Variants in ARHGAP6 observed in about 807,000 individuals in gnomAD.
ARHGAP6 encodes rho GTPase-activating protein 6.
In ARHGAP6, 16 loss-of-function variants were observed where a neutral mutation model predicts 55.7. The ratio of observed to expected loss-of-function variants is 0.29; its 90% CI spans 0.19 to 0.44. The LOEUF (loss-of-function observed/expected upper bound fraction) is 0.44, where lower values mean the gene tolerates loss of function less well. ARHGAP6 is among the 20% of genes least tolerant of loss of function. The pLI is 1.00. For synonymous variants in ARHGAP6, 382 were observed against 360.9 expected, an observed-to-expected ratio of 1.06 and a Z score of -0.66; for missense variants, 698 against 808.9, an observed-to-expected ratio of 0.86 and a Z score of 1.66.
intron 1 of ARHGAP6, chrX:11,298,575 G>A (rs750746199): frequency 8.3e-7 from 1 of 1,211,112 alleles, no homozygotes; most frequent in East Asian, 3.0e-5. Context: ...CGAGCCCATG[G>A]GTGGATGGCT....
At chrX:11,587,993 G>C (rs762003567) in intron 1 of ARHGAP6, among the ~76,000 whole-genome samples, 1 of 112,181 alleles carries the variant, frequency 8.9e-6, no homozygotes, top group South Asian at 3.7e-4. Context: ...ACAGTGATAT[G>C]TGTTTATTTT....
intron 1 of ARHGAP6, among the ~76,000 whole-genome samples, chrX:11,421,606 C>T (rs940114484): frequency 8.0e-5 from 9 of 112,124 alleles, no homozygotes; most frequent in African/African-American, 2.9e-4. Flanking sequence ...AAACAAAGGA[C>T]TGCTCTGAAA....
At chrX:11,464,072 G>A (rs1234378305) in intron 1 of ARHGAP6, among the ~76,000 whole-genome samples, 2 of 111,591 alleles carry the variant, frequency 1.8e-5, no homozygotes, top group African/African-American at 3.3e-5. Flanking sequence ...GTTACTTTGA[G>A]TTTTTGGATA....
At chrX:11,587,751 TG>T (rs953140230) in intron 1 of ARHGAP6, among the ~76,000 whole-genome samples, 2 of 112,137 alleles carry the variant, frequency 1.8e-5, no homozygotes, top group Non-Finnish European at 3.8e-5. Flanking sequence ...GTTCAGGGGC[TG>T]GAAAAGTGAG....
chrX:11,249,162 A>T (rs2047390657), intron 2 of ARHGAP6, among the ~76,000 whole-genome samples: 1 of 111,958 alleles, frequency 8.9e-6, no homozygotes, highest in South Asian at 3.7e-4. Context: ...TAAGTGAAGT[A>T]ACTCAGGAAT....
intron 2 of ARHGAP6, among the ~76,000 whole-genome samples, chrX:11,213,242 C>T (rs2046833281): frequency 1.8e-5 from 2 of 113,000 alleles, no homozygotes; most frequent in African/African-American, 6.4e-5. Flanking sequence ...AGGCTCCCTC[C>T]CATGCCCTGT....
rs1322331927 is a variant in ARHGAP6, at chrX:11,302,581, A to G, written c.589-47874T>C. Among the ~76,000 whole-genome samples, 2 of 111,818 alleles carry G rather than the reference A, an allele frequency of 1.8e-5. 1 individual carries two copies. Among genetic ancestry groups the G allele is most frequent in the South Asian group, 7.5e-4 (2 of 2,665 alleles). On this transcript the variant is annotated intron_variant, in intron 1 of 12. Transcript: ENST00000337414. ...TTTCTATTTTGTGGTTCAAACTAAT[A>G]GTGCAACATAACATAGAGGGAGGCA...
chrX:11,527,721 C>T (rs998675955), intron 1 of ARHGAP6, among the ~76,000 whole-genome samples: 3 of 112,454 alleles, frequency 2.7e-5, no homozygotes, highest in African/African-American at 9.7e-5. Flanking sequence ...GGTTGCCAGA[C>T]AGAATACAGG....
intron 1 of ARHGAP6, among the ~76,000 whole-genome samples, chrX:11,361,823 C>T (rs1484270398): frequency 8.9e-6 from 1 of 111,944 alleles, no homozygotes; most frequent in Non-Finnish European, 1.9e-5. Flanking sequence ...AAACGACCAA[C>T]CCCATCAAAA....
intron 1 of ARHGAP6, among the ~76,000 whole-genome samples, chrX:11,406,430 A>G (rs148566947): frequency 3.4e-4 from 38 of 111,231 alleles, no homozygotes; most frequent in African/African-American, 1.1e-3. Context: ...GATTCATGGT[A>G]CTGTTTGGCT....
At chrX:11,271,780 C>T (rs974939410) in intron 1 of ARHGAP6, among the ~76,000 whole-genome samples, 1 of 111,712 alleles carries the variant, frequency 9.0e-6, no homozygotes, top group Admixed American at 9.5e-5. Flanking sequence ...TGGTAGTTAA[C>T]TCATCTAAAT....
intron 1 of ARHGAP6, among the ~76,000 whole-genome samples, chrX:11,277,641 T>C (rs1379152362): frequency 9.0e-6 from 1 of 111,141 alleles, no homozygotes; most frequent in Admixed American, 9.5e-5. Context: ...CAGTTTCTTT[T>C]GCTTTTTACA....
chrX:11,223,847 A>G (rs1246694037), intron 2 of ARHGAP6, among the ~76,000 whole-genome samples: 2 of 110,920 alleles, frequency 1.8e-5, no homozygotes, highest in Non-Finnish European at 3.8e-5. Flanking sequence ...AGAGAAAATT[A>G]TTGTTTCTGG....
At chrX:11,325,646 ATTAT>A (rs2048488249) in intron 1 of ARHGAP6, among the ~76,000 whole-genome samples, 1 of 112,423 alleles carries the variant, frequency 8.9e-6, no homozygotes, top group Admixed American at 9.4e-5. Flanking sequence ...TTCTGTAATT[ATTAT>A]TTATTATTGA....
intron 1 of ARHGAP6, among the ~76,000 whole-genome samples, chrX:11,358,449 CT>C (rs1220976171): frequency 1.1e-5 from 1 of 90,036 alleles, no homozygotes; most frequent in Non-Finnish European, 2.2e-5. Flanking sequence ...TTCTTTCTTT[CT>C]TTCTTTCTTT....
chrX:11,631,507 C>T (rs909099010), intron 1 of ARHGAP6, among the ~76,000 whole-genome samples: 1 of 107,553 alleles, frequency 9.3e-6, no homozygotes, highest in African/African-American at 3.4e-5. Flanking sequence ...GCCTGGGCAA[C>T]AAGAGCAAAA....
chrX:11,520,902 C>A (rs2050917065), intron 1 of ARHGAP6, among the ~76,000 whole-genome samples: 1 of 112,254 alleles, frequency 8.9e-6, no homozygotes, highest in Non-Finnish European at 1.9e-5. Flanking sequence ...TTGCATTTCT[C>A]TGATGGCCAG....
intron 1 of ARHGAP6, among the ~76,000 whole-genome samples, chrX:11,392,963 T>C (rs1362572438): frequency 8.9e-6 from 1 of 111,755 alleles, no homozygotes. Flanking sequence ...CTCCATGTGA[T>C]TTTTAATGGG....
intron 5 of ARHGAP6, among the ~76,000 whole-genome samples, chrX:11,183,183 TACTC>T (rs2046342727): frequency 9.0e-6 from 1 of 111,100 alleles, no homozygotes; most frequent in African/African-American, 3.3e-5. Flanking sequence ...CTAAAGAACT[TACTC>T]ATGTAACCAA....
Sources: gnomAD v4.1 joint callset for allele counts (sites outside exome capture counted in the v4.1 genomes callset) on GRCh38, gnomAD v4.1.1 for gene constraint, MANE v1.5 for transcripts, NCBI Gene and HGNC (gene_info 2026-07-23, HGNC 2026-07-21) for gene names.